SDCCAG8: variants seen among roughly 807,000 people sequenced by gnomAD.
SDCCAG8 encodes serologically defined colon cancer antigen 8.
Under a neutral mutation model 101.8 loss-of-function variants are expected in SDCCAG8, and 74 were observed. The observed-to-expected ratio is 0.73, with a 90% confidence interval of 0.60 to 0.88. SDCCAG8 has a LOEUF of 0.88. Ranked by LOEUF, SDCCAG8 falls within the 40% of genes least tolerant of loss-of-function variation. SDCCAG8 has a pLI of 0.00. For synonymous variants in SDCCAG8, 281 were observed against 292.9 expected (o/e 0.96, Z 0.41); for missense variants, 787 against 822.6 (o/e 0.96, Z 0.53).
chr1:243,256,256 C>T lies in SDCCAG8; in HGVS notation c.67+16C>T, dbSNP rs758027148. 6.2e-6 allele frequency: 10 copies of T among 1,612,586 alleles called. No individual in the cohort carries two copies. The highest frequency in any genetic ancestry group is 1.1e-5 in the South Asian group (1 of 91,054). ...AGTCTCCGGGGTGAGTTGCTCCAAA[C>T]CTCTGTCCCTAGCCCCGAGGTGCCC... On this transcript the variant is annotated intron_variant, in intron 1 of 17. Coordinates refer to ENST00000366541, the MANE Select transcript of SDCCAG8 (RefSeq NM_006642.5).
chr1:243,309,102 C>G (rs1421952064), intron 8 of SDCCAG8, among the ~76,000 whole-genome samples: 1 of 152,164 alleles, frequency 6.6e-6, no homozygotes, highest in East Asian at 1.9e-4. Flanking sequence ...AGCCTGGCAT[C>G]TTCTGTTGTT....
intron 12 of SDCCAG8, among the ~76,000 whole-genome samples, chr1:243,349,010 C>CAAAAAAAAA (rs200574627): frequency 7.8e-6 from 1 of 127,446 alleles, no homozygotes; most frequent in African/African-American, 2.8e-5. Flanking sequence ...ACAAACAAAA[C>CAAAAAAAAA]AAAAAAAAAA....
chr1:243,411,153 G>T (rs565876848), intron 13 of SDCCAG8, among the ~76,000 whole-genome samples: 1 of 151,512 alleles, frequency 6.6e-6, no homozygotes, highest in Non-Finnish European at 1.5e-5. Flanking sequence ...TCACTCTGTC[G>T]CCCAGGCTGG....
rs574717814 is a variant in SDCCAG8 at position 243,284,801 on chromosome 1, C to T, written c.421-1471C>T. ...TTAGGTTGCATAAGGGGATTTTTTT[C>T]TAGTTTTTACTGTGAAAACCTGGTA... On this transcript the variant is annotated intron_variant, in intron 4 of 17. Coordinates refer to ENST00000366541, the MANE Select transcript of SDCCAG8 (RefSeq NM_006642.5). 1.4e-3 allele frequency among the ~76,000 whole-genome samples: 211 copies of T among 152,152 alleles called. 2 individuals are homozygous for T. The highest frequency in any genetic ancestry group is 5.0e-3 in the African/African-American group (206 of 41,502).
chr1:243,368,923 G>A (rs2147875435), intron 12 of SDCCAG8, among the ~76,000 whole-genome samples: 1 of 152,258 alleles, frequency 6.6e-6, no homozygotes. Flanking sequence ...TGTGAAGCCA[G>A]TGAAATAAAT....
At chr1:243,328,672 A>G (rs1357739801) in intron 9 of SDCCAG8, among the ~76,000 whole-genome samples, 2 of 152,198 alleles carry the variant, frequency 1.3e-5, no homozygotes, top group African/African-American at 4.8e-5. Context: ...TAGAGAGAAG[A>G]CCATCCACAA....
intron 4 of SDCCAG8, among the ~76,000 whole-genome samples, chr1:243,275,493 G>A (rs1344507124): frequency 2.0e-5 from 3 of 152,058 alleles, no homozygotes; most frequent in African/African-American, 7.2e-5. Flanking sequence ...TGATTTTACC[G>A]GGGAGTTTCT....
intron 12 of SDCCAG8, among the ~76,000 whole-genome samples, chr1:243,344,805 C>G (rs186746960): frequency 6.6e-6 from 1 of 152,272 alleles, no homozygotes; most frequent in East Asian, 1.9e-4. Context: ...TACGTTTGTT[C>G]ATGAAGCCTA....
intron 16 of SDCCAG8, among the ~76,000 whole-genome samples, chr1:243,461,495 T>C (rs1248468493): frequency 6.6e-6 from 1 of 152,182 alleles, no homozygotes; most frequent in Non-Finnish European, 1.5e-5. Context: ...TCCTTGTAAC[T>C]GTATCTGTGG....
At chr1:243,257,496 T>C (rs2066854082) in intron 1 of SDCCAG8, among the ~76,000 whole-genome samples, 1 of 151,926 alleles carries the variant, frequency 6.6e-6, no homozygotes, top group African/African-American at 2.4e-5. Flanking sequence ...AATTATAGAT[T>C]ACTATGATAG....
intron 16 of SDCCAG8, chr1:243,488,232 A>T (rs1665474119): frequency 1.3e-5 from 2 of 152,342 alleles, no homozygotes; most frequent in African/African-American, 4.8e-5. Context: ...CCTTCGGCTC[A>T]GTAGCCTGGA....
chr1:243,316,928 CT>C (rs559121131), intron 9 of SDCCAG8, 35 bp downstream of exon 9: 699 of 1,496,162 alleles, frequency 4.7e-4, no homozygotes, highest in Admixed American at 6.9e-4. Context: ...AAGTGTCTTT[CT>C]TTTTTTTTTC....
intron 11 of SDCCAG8, among the ~76,000 whole-genome samples, chr1:243,343,791 T>C (rs74974257): frequency 0.021 from 3,178 of 152,354 alleles, 42 homozygotes; most frequent in Non-Finnish European, 0.032. Context: ...GCATAACTGA[T>C]GAAGTCTTTA....
At chr1:243,286,649 G>A (rs1191178995) in intron 5 of SDCCAG8, among the ~76,000 whole-genome samples, 1 of 152,156 alleles carries the variant, frequency 6.6e-6, no homozygotes, top group African/African-American at 2.4e-5. Context: ...GGAAAGAGCC[G>A]GTCTGAAAGC....
intron 12 of SDCCAG8, among the ~76,000 whole-genome samples, chr1:243,370,392 G>A (rs757038930): frequency 2.2e-4 from 33 of 152,112 alleles, no homozygotes; most frequent in Non-Finnish European, 2.4e-4. Flanking sequence ...TCATAAGAGT[G>A]CAAAGCAATT....
intron 8 of SDCCAG8, among the ~76,000 whole-genome samples, chr1:243,314,302 A>G (rs552224059): frequency 6.6e-6 from 1 of 152,326 alleles, no homozygotes; most frequent in South Asian, 2.1e-4. Flanking sequence ...TGGGCCTAAC[A>G]AGACATCTGT....
intron 9 of SDCCAG8, among the ~76,000 whole-genome samples, chr1:243,324,253 G>A (rs2073978848): frequency 6.6e-6 from 1 of 151,860 alleles, no homozygotes; most frequent in African/African-American, 2.4e-5. Context: ...CTCTATGATC[G>A]TCTTCAAACA....
At chr1:243,364,149 A>C (rs1015656480) in intron 12 of SDCCAG8, among the ~76,000 whole-genome samples, 1 of 152,140 alleles carries the variant, frequency 6.6e-6, no homozygotes, top group Non-Finnish European at 1.5e-5. Context: ...AAATAAACCT[A>C]GTTTTGTTGT....
intron 15 of SDCCAG8, among the ~76,000 whole-genome samples, chr1:243,425,322 G>T (rs2081271457): frequency 6.6e-6 from 1 of 152,118 alleles, no homozygotes. Context: ...CTTCCTTTTG[G>T]ATGACATTTG....
Sources: allele counts gnomAD v4.1 joint callset (sites outside exome capture counted in the v4.1 genomes callset), GRCh38; gene constraint gnomAD v4.1.1; transcripts MANE v1.5; gene names NCBI Gene and HGNC (gene_info 2026-07-23, HGNC 2026-07-21).